Variants in TENM3 observed in about 807,000 individuals in gnomAD.
TENM3 encodes teneurin transmembrane protein 3, also known as teneurin-3.
TENM3 carries 63 observed loss-of-function variants against 255.1 expected under a neutral mutation model. The ratio of observed to expected loss-of-function variants is 0.25; its 90% CI spans 0.20 to 0.30. The LOEUF is 0.30. Among genes scored for constraint, TENM3 ranks in the 10% least tolerant of loss-of-function variants. The pLI is 1.00. For missense variants in TENM3, 2,929 were observed against 3,461.1 expected, an observed-to-expected ratio of 0.85 and a Z score of 3.86; for synonymous variants, 1,306 against 1,322.3, an observed-to-expected ratio of 0.99 and a Z score of 0.27.
chr4:182,339,497 G>C (rs959519154), intron 2 of TENM3, among the ~76,000 whole-genome samples: 2 of 152,102 alleles, frequency 1.3e-5, no homozygotes, highest in Non-Finnish European at 2.9e-5. Context: ...TTTCAGGCTC[G>C]GCAGCCAACC....
chr4:182,021,546 A>G, the TENM3 span, among the ~76,000 whole-genome samples: 261 of 152,296 alleles, frequency 1.7e-3, 15 homozygotes, highest in South Asian at 0.051. Flanking sequence ...ATATCCTTCC[A>G]TAGAACATCA....
chr4:182,046,834 G>T, the TENM3 span, among the ~76,000 whole-genome samples: 30 of 152,080 alleles, frequency 2.0e-4, no homozygotes, highest in Non-Finnish European at 3.5e-4. Context: ...CCTATAGCAG[G>T]TTTCTATTTT....
At chr4:182,064,848 T>TAA in the TENM3 span, among the ~76,000 whole-genome samples, 1 of 152,120 alleles carries the variant, frequency 6.6e-6, no homozygotes, top group Non-Finnish European at 1.5e-5. Flanking sequence ...TGATTGTAGC[T>TAA]AACTCCCTAC....
chr4:182,325,891 A>T (rs193004289), intron 2 of TENM3, among the ~76,000 whole-genome samples: 32 of 152,340 alleles, frequency 2.1e-4, no homozygotes, highest in Non-Finnish European at 2.2e-4. Flanking sequence ...TTGGCAGCAC[A>T]GACGATGCCT....
Position 182,169,074 on chromosome 4 carries a change from T to TAC in TENM3, c.-76+24349_-76+24350dup, listed in dbSNP as rs55885166. Among the ~76,000 whole-genome samples, 781 of 137,840 alleles carry TAC rather than the reference T, an allele frequency of 5.7e-3. 3 individuals are homozygous for TAC. Among genetic ancestry groups the TAC allele is most frequent in the East Asian group, 0.015 (66 of 4,528 alleles). The allele number at this position is 137,840 out of a possible 152,430, so 90.4% of individuals were successfully genotyped here. On this transcript the variant is annotated intron_variant, in intron 1 of 2. Transcript: ENST00000512480. Reference sequence around the variant, plus strand: ...AGATATATGTCATATAATCATGCCATACACACACACACACACACACACACA... The same window carrying TAC: ...AGATATATGTCATATAATCATGCCATACACACACACACACACACACACACACA...
chr4:181,586,461 C>T, the TENM3 span, among the ~76,000 whole-genome samples: 7 of 152,130 alleles, frequency 4.6e-5, no homozygotes, highest in African/African-American at 9.7e-5. Flanking sequence ...TGGGAAGAGA[C>T]GACGACCAGG....
the TENM3 span, among the ~76,000 whole-genome samples, chr4:181,565,475 GA>G: frequency 6.6e-6 from 1 of 152,206 alleles, no homozygotes; most frequent in Non-Finnish European, 1.5e-5. Flanking sequence ...GTAAATCTTA[GA>G]AGGTGGGAAA....
chr4:182,053,955 C>T, the TENM3 span, among the ~76,000 whole-genome samples: 1 of 152,130 alleles, frequency 6.6e-6, no homozygotes, highest in Non-Finnish European at 1.5e-5. Flanking sequence ...AAAGCAAAGA[C>T]ATGCTCTTCC....
At chr4:182,122,380 C>T in the TENM3 span, among the ~76,000 whole-genome samples, 1 of 152,218 alleles carries the variant, frequency 6.6e-6, no homozygotes, top group Admixed American at 6.5e-5. Context: ...ATGGCAGTGA[C>T]AGTCTTGCAA....
chr4:182,801,254 T>C lies in TENM3; in HGVS notation c.*903T>C, dbSNP rs1766937859. ...ATGTCCAGAAGTGTTAATATTTTTG[T>C]ATTAGGTTGAAAAAATGTGCAAGCT... On this transcript the variant is annotated 3_prime_UTR_variant, in exon 28 of 28. Transcript: ENST00000511685. The C allele has an allele frequency of 6.6e-6, 1 of 152,588 alleles. No individual in the cohort carries two copies. Among genetic ancestry groups the C allele is most frequent in the African/African-American group, 2.4e-5 (1 of 41,438 alleles). The allele number at this position is 152,588 out of a possible 1,614,324, so 9.5% of individuals were successfully genotyped here.
At chr4:182,129,919 T>C in the TENM3 span, among the ~76,000 whole-genome samples, 1 of 152,078 alleles carries the variant, frequency 6.6e-6, no homozygotes, top group Non-Finnish European at 1.5e-5. Context: ...TACATAAGTA[T>C]ATGTGAGGGT....
chr4:181,793,807 C>T, the TENM3 span, among the ~76,000 whole-genome samples: 1 of 152,126 alleles, frequency 6.6e-6, no homozygotes, highest in Admixed American at 6.5e-5. Context: ...AAGCTCACAT[C>T]GTTTTAGCAA....
At chr4:182,497,898 A>G (rs1735956024) in intron 3 of TENM3, among the ~76,000 whole-genome samples, 2 of 148,334 alleles carry the variant, frequency 1.3e-5, no homozygotes, top group Admixed American at 6.7e-5. Flanking sequence ...ACCTAGATGT[A>G]TATAGATTAG....
the TENM3 span, among the ~76,000 whole-genome samples, chr4:181,595,888 C>T: frequency 2.0e-5 from 3 of 152,182 alleles, no homozygotes; most frequent in Non-Finnish European, 4.4e-5. Flanking sequence ...GTTCAGATAA[C>T]ACTTCACAGA....
chr4:181,746,881 A>G, the TENM3 span, among the ~76,000 whole-genome samples: 2 of 151,878 alleles, frequency 1.3e-5, no homozygotes, highest in South Asian at 2.1e-4. Flanking sequence ...CTGCTTACTT[A>G]CGGGTGTGCC....
At chr4:181,675,951 G>A in the TENM3 span, among the ~76,000 whole-genome samples, 1 of 152,028 alleles carries the variant, frequency 6.6e-6, no homozygotes, top group East Asian at 1.9e-4. Context: ...TTAGAAAAGA[G>A]TACATAGACA....
chr4:181,607,577 T>A, the TENM3 span, among the ~76,000 whole-genome samples: 3 of 152,018 alleles, frequency 2.0e-5, no homozygotes, highest in African/African-American at 7.2e-5. Flanking sequence ...AATATTTTTT[T>A]GTGTTTTAGT....
intron 3 of TENM3, among the ~76,000 whole-genome samples, chr4:182,418,260 A>G (rs1250980074): frequency 1.3e-5 from 2 of 152,260 alleles, no homozygotes; most frequent in Non-Finnish European, 2.9e-5. Context: ...TTTGAGGTGC[A>G]GTTTCACTTT....
chr4:181,974,524 C>A, the TENM3 span, among the ~76,000 whole-genome samples: 1 of 151,952 alleles, frequency 6.6e-6, no homozygotes, highest in Admixed American at 6.5e-5. Flanking sequence ...GCCGAGATTG[C>A]GCTACTGCAC....
Sources: allele counts gnomAD v4.1 joint callset (sites outside exome capture counted in the v4.1 genomes callset), GRCh38; gene constraint gnomAD v4.1.1; transcripts MANE v1.5; gene names NCBI Gene and HGNC (gene_info 2026-07-23, HGNC 2026-07-21).